MSL2: variants seen among roughly 807,000 people sequenced by gnomAD.
MSL2 encodes the protein MSL complex subunit 2.
A neutral mutation model predicts 35.8 loss-of-function variants in MSL2; 2 were observed. The observed-to-expected ratio is 0.06, with a 90% CI of 0.02 to 0.18. The LOEUF (loss-of-function observed/expected upper bound fraction) is 0.18. MSL2 is among the 10% of genes least tolerant of loss of function. The probability of loss-of-function intolerance (pLI) is 1.00; values close to 1 mark genes in which losing one functional copy is unlikely to be tolerated. For missense variants in MSL2, 523 were observed against 706.7 expected (o/e 0.74, Z 2.95); for synonymous variants, 296 against 255.7 (o/e 1.16, Z -1.50).
At chr3:136,182,404 G>A (rs993425468) in intron 1 of MSL2, among the ~76,000 whole-genome samples, 2 of 152,200 alleles carry the variant, frequency 1.3e-5, no homozygotes, top group African/African-American at 4.8e-5. Context: ...AGAACAATAG[G>A]TTTTCAAATA....
chr3:136,173,898 C>A (rs1440514225), intron 1 of MSL2, among the ~76,000 whole-genome samples: 2 of 152,232 alleles, frequency 1.3e-5, no homozygotes, highest in South Asian at 2.1e-4. Context: ...TCACCCACCA[C>A]TGACCATTCC....
At chr3:136,179,647 G>GA (rs373108836) in intron 1 of MSL2, among the ~76,000 whole-genome samples, 2 of 151,548 alleles carry the variant, frequency 1.3e-5, no homozygotes, top group East Asian at 1.9e-4. Context: ...TGATTTGAAG[G>GA]AAAAAAAACT....
chr3:136,158,312 T>C (rs1390166501), intron 1 of MSL2, among the ~76,000 whole-genome samples: 5 of 142,832 alleles, frequency 3.5e-5, no homozygotes, highest in Admixed American at 6.9e-5. Context: ...CTCAAAAAAA[T>C]TAAAATTAAA....
At chr3:136,156,578 G>GT (rs1399261538) in intron 1 of MSL2, among the ~76,000 whole-genome samples, 1 of 152,162 alleles carries the variant, frequency 6.6e-6, no homozygotes, top group African/African-American at 2.4e-5. Flanking sequence ...AATAAATTAT[G>GT]TTTCTGGCCG....
At chr3:136,180,490 A>G (rs751262812) in intron 1 of MSL2, among the ~76,000 whole-genome samples, 2 of 152,042 alleles carry the variant, frequency 1.3e-5, no homozygotes, top group East Asian at 3.9e-4. Flanking sequence ...TCACGAGATC[A>G]GGAGTTCAAG....
chr3:136,156,097 T>C (rs1939512040), intron 1 of MSL2: 1 of 221,608 alleles, frequency 4.5e-6, no homozygotes, highest in African/African-American at 2.3e-5. Flanking sequence ...ATATCTCCAC[T>C]GTGCTGGAGT....
At chr3:136,164,647 C>T (rs1331934323) in intron 1 of MSL2, among the ~76,000 whole-genome samples, 1 of 152,060 alleles carries the variant, frequency 6.6e-6, no homozygotes, top group East Asian at 1.9e-4. Context: ...CCACCTCCAA[C>T]TTAAGAAATA....
At chr3:136,159,489 G>C (rs573243275) in intron 1 of MSL2, among the ~76,000 whole-genome samples, 1 of 145,940 alleles carries the variant, frequency 6.9e-6, no homozygotes, top group Non-Finnish European at 1.5e-5. Flanking sequence ...TCAGCCTCCC[G>C]AGTAGCTGGG....
At chr3:136,160,275 CAAAAAAAAAAA>C (rs775528119) in intron 1 of MSL2, among the ~76,000 whole-genome samples, 2 of 18,756 alleles carry the variant, frequency 1.1e-4, no homozygotes, top group African/African-American at 4.8e-4. Flanking sequence ...GACTCTGTCT[CAAAAAAAAAAA>C]AAAAAAAAAA....
At chr3:136,157,499 C>G (rs1939568375) in intron 1 of MSL2, among the ~76,000 whole-genome samples, 1 of 151,784 alleles carries the variant, frequency 6.6e-6, no homozygotes, top group South Asian at 2.1e-4. Flanking sequence ...CAGACTCCAA[C>G]TCAAAAAAAC....
intron 1 of MSL2, among the ~76,000 whole-genome samples, chr3:136,154,007 C>T (rs1939447517): frequency 1.3e-5 from 2 of 151,702 alleles, no homozygotes; most frequent in African/African-American, 2.4e-5. Flanking sequence ...CCCTTGAACC[C>T]AGGAGGCGGA....
chr3:136,184,240 G>A (rs1254950742), intron 1 of MSL2, among the ~76,000 whole-genome samples: 1 of 151,968 alleles, frequency 6.6e-6, no homozygotes, highest in South Asian at 2.1e-4. Context: ...AGGGTGCAGT[G>A]AACCCAGATG....
intron 1 of MSL2, among the ~76,000 whole-genome samples, chr3:136,190,122 G>A (rs1380449529): frequency 6.6e-6 from 1 of 152,012 alleles, no homozygotes; most frequent in Non-Finnish European, 1.5e-5. Context: ...GACACATGAG[G>A]TCTGTTATAG....
intron 1 of MSL2, among the ~76,000 whole-genome samples, chr3:136,160,275 CAAAAAAAAA>C (rs775528119): frequency 2.7e-4 from 5 of 18,756 alleles, no homozygotes; most frequent in African/African-American, 2.4e-4. Flanking sequence ...GACTCTGTCT[CAAAAAAAAA>C]AAAAAAAAAA....
intron 1 of MSL2, 131 bp downstream of exon 1, chr3:136,194,841 T>C (rs1456333767): frequency 1.4e-6 from 2 of 1,401,032 alleles, no homozygotes; most frequent in Non-Finnish European, 1.9e-6. Context: ...TCAAAACTAA[T>C]GACCGTACAG....
At chr3:136,194,898 C>G (rs1559976928) in intron 1 of MSL2, 74 bp downstream of exon 1, 5 of 1,597,626 alleles carry the variant, frequency 3.1e-6, no homozygotes, top group Non-Finnish European at 3.4e-6. Context: ...AGGCCGTCAA[C>G]CCGCTCACGT....
At chr3:136,153,354 A>T (rs1260436109) in intron 1 of MSL2, among the ~76,000 whole-genome samples, 2 of 152,240 alleles carry the variant, frequency 1.3e-5, no homozygotes, top group Non-Finnish European at 2.9e-5. Flanking sequence ...TATGAGTAAG[A>T]GAGATTTAGT....
intron 1 of MSL2, among the ~76,000 whole-genome samples, chr3:136,171,968 G>A (rs1001528941): frequency 6.6e-5 from 10 of 152,108 alleles, no homozygotes; most frequent in South Asian, 2.1e-4. Flanking sequence ...ATGGCTCATC[G>A]TAGCCTCAAC....
chr3:136,171,119 G>A (rs535403363), intron 1 of MSL2, among the ~76,000 whole-genome samples: 2 of 152,154 alleles, frequency 1.3e-5, no homozygotes, highest in South Asian at 4.1e-4. Flanking sequence ...TCACAAACAT[G>A]AGAAAATGAG....
Sources: gnomAD v4.1 joint callset for allele counts (sites outside exome capture counted in the v4.1 genomes callset) on GRCh38, gnomAD v4.1.1 for gene constraint, MANE v1.5 for transcripts, NCBI Gene and HGNC (gene_info 2026-07-23, HGNC 2026-07-21) for gene names.